The following ARHGEF3 variants were observed in gnomAD, a reference collection of about 807,000 sequenced individuals.
ARHGEF3 encodes the protein Rho guanine nucleotide exchange factor 3.
In ARHGEF3, 28 loss-of-function variants were observed where a neutral mutation model predicts 63.2. That is an observed-to-expected ratio of 0.44 (90% confidence interval 0.33 to 0.61). The LOEUF (loss-of-function observed/expected upper bound fraction) is 0.61. Among genes scored for constraint, ARHGEF3 ranks in the 20% least tolerant of loss-of-function variants. The pLI is 0.03. For missense variants in ARHGEF3, 533 were observed against 659.3 expected (o/e 0.81, Z 2.10); for synonymous variants, 266 against 254.2 (o/e 1.05, Z -0.44).
At chr3:56,877,580 C>T (rs1388248808) in intron 4 of ARHGEF3, among the ~76,000 whole-genome samples, 1 of 151,932 alleles carries the variant, frequency 6.6e-6, no homozygotes, top group Admixed American at 6.5e-5. Context: ...CCTGTGTTGC[C>T]CAGACTGGTC....
intron 1 of ARHGEF3, among the ~76,000 whole-genome samples, chr3:56,798,537 G>GTTTTTTTTTTTTTTTT (rs368922829): frequency 7.2e-6 from 1 of 139,276 alleles, no homozygotes; most frequent in African/African-American, 2.8e-5. Flanking sequence ...TCTTTACTTC[G>GTTTTTTTTTTTTTTTT]TTTTTTTTTT....
At chr3:57,072,906 C>T (rs1262581523) in intron 1 of ARHGEF3, among the ~76,000 whole-genome samples, 1 of 151,938 alleles carries the variant, frequency 6.6e-6, no homozygotes, top group African/African-American at 2.4e-5. Context: ...ATTAGCAAGG[C>T]GCAGTGGCAG....
intron 4 of ARHGEF3, among the ~76,000 whole-genome samples, chr3:56,834,513 C>T (rs1005755493): frequency 2.0e-5 from 3 of 151,912 alleles, no homozygotes; most frequent in Non-Finnish European, 2.9e-5. Context: ...ACCTATAATC[C>T]CAGCACTTTG....
intron 4 of ARHGEF3, among the ~76,000 whole-genome samples, chr3:56,851,619 C>A (rs1294354614): frequency 6.6e-6 from 1 of 151,744 alleles, no homozygotes; most frequent in Admixed American, 6.6e-5. Context: ...ATCTCCTGGG[C>A]TCAAGTGATC....
intron 1 of ARHGEF3, among the ~76,000 whole-genome samples, chr3:56,795,743 G>A (rs1033961558): frequency 1.3e-5 from 2 of 148,174 alleles, no homozygotes; most frequent in African/African-American, 5.1e-5. Flanking sequence ...CCAGGTTCAA[G>A]TGATTCTCCT....
chr3:56,840,015 C>A (rs749231662), intron 4 of ARHGEF3, among the ~76,000 whole-genome samples: 4 of 152,152 alleles, frequency 2.6e-5, no homozygotes, highest in Non-Finnish European at 5.9e-5. Context: ...GGCCGTGTGT[C>A]ATCCTCTGCA....
At position 57,002,462 on chromosome 3, in the gene ARHGEF3, C is replaced by CTATATATATATATATATATATGT. The variant is rs1165862414; in HGVS notation, c.62+32625_62+32626insACATATATATATATATATATATA. ...TATATGCCAGGCACTGTTCTAAGCA[C>CTATATATATATATATATATATGT]TATATATATATATATGTTATATATA... On this transcript the variant is annotated intron_variant, in intron 2 of 12. Coordinates refer to the ARHGEF3 transcript ENST00000338458. Among the ~76,000 whole-genome samples the CTATATATATATATATATATATGT allele has an allele frequency of 1.8e-3, 71 of 38,676 alleles. 5 individuals are homozygous for CTATATATATATATATATATATGT. Among genetic ancestry groups the CTATATATATATATATATATATGT allele is most frequent in the East Asian group, 0.016 (18 of 1,126 alleles). 25.4% of individuals were successfully genotyped at this position (38,676 alleles called of 152,430 possible).
intron 2 of ARHGEF3, among the ~76,000 whole-genome samples, chr3:57,016,989 G>C (rs1703033866): frequency 2.8e-5 from 4 of 145,412 alleles, no homozygotes; most frequent in African/African-American, 1.1e-4. Context: ...GGGAGAGAGA[G>C]GAAAGCTTTC....
chr3:56,997,386 G>A (rs951453960), intron 2 of ARHGEF3, among the ~76,000 whole-genome samples: 2 of 152,056 alleles, frequency 1.3e-5, no homozygotes, highest in East Asian at 1.9e-4. Flanking sequence ...GAAGACAGTC[G>A]GGCCCAGGGA....
chr3:57,076,903 A>C (rs1026676132), intron 1 of ARHGEF3: 1 of 152,196 alleles, frequency 6.6e-6, no homozygotes, highest in Non-Finnish European at 1.5e-5. Flanking sequence ...CTATAAATCA[A>C]TGTATGAATA....
chr3:56,785,819 A>G (rs1220330416), intron 1 of ARHGEF3, among the ~76,000 whole-genome samples: 1 of 152,240 alleles, frequency 6.6e-6, no homozygotes, highest in Non-Finnish European at 1.5e-5. Context: ...GACAGGGACC[A>G]GGGATCCTAA....
chr3:56,882,553 G>A (rs113804724), intron 3 of ARHGEF3, among the ~76,000 whole-genome samples: 13,653 of 123,084 alleles, frequency 0.11, 805 homozygotes, highest in South Asian at 0.16. Flanking sequence ...TCACTCTGTC[G>A]CCCAGGCTGG....
chr3:56,855,362 G>A (rs914565672), intron 4 of ARHGEF3, among the ~76,000 whole-genome samples: 1 of 152,134 alleles, frequency 6.6e-6, no homozygotes, highest in African/African-American at 2.4e-5. Context: ...TCATTTGGCA[G>A]CAATAAATGG....
At chr3:56,791,499 C>G (rs2107919249) in intron 1 of ARHGEF3, among the ~76,000 whole-genome samples, 1 of 152,320 alleles carries the variant, frequency 6.6e-6, no homozygotes, top group Non-Finnish European at 1.5e-5. Flanking sequence ...TTTTATCTAT[C>G]CATTCCTTGT....
At chr3:56,865,659 A>T (rs971327233) in intron 4 of ARHGEF3, among the ~76,000 whole-genome samples, 1 of 152,188 alleles carries the variant, frequency 6.6e-6, no homozygotes, top group African/African-American at 2.4e-5. Flanking sequence ...GAGCTTGGAC[A>T]TTGTTATGAA....
At chr3:57,033,791 T>A (rs1392976355) in intron 2 of ARHGEF3, among the ~76,000 whole-genome samples, 2 of 152,106 alleles carry the variant, frequency 1.3e-5, no homozygotes, top group Non-Finnish European at 2.9e-5. Flanking sequence ...ATGCCTGTAA[T>A]CCCAGCACTT....
chr3:56,834,064 C>T (rs1025333922), intron 4 of ARHGEF3, among the ~76,000 whole-genome samples: 6 of 151,902 alleles, frequency 3.9e-5, no homozygotes, highest in African/African-American at 7.3e-5. Flanking sequence ...CCACCACACC[C>T]GGCTAATTTT....
chr3:56,739,253 T>G (rs2033846085), intron 7 of ARHGEF3, among the ~76,000 whole-genome samples: 1 of 152,170 alleles, frequency 6.6e-6, no homozygotes, highest in African/African-American at 2.4e-5. Flanking sequence ...TAAGGCCTCT[T>G]CTTCGTCACA....
At chr3:56,739,312 C>A (rs974722578) in intron 7 of ARHGEF3, among the ~76,000 whole-genome samples, 1 of 151,886 alleles carries the variant, frequency 6.6e-6, no homozygotes, top group African/African-American at 2.4e-5. Flanking sequence ...TCCAAAAGAG[C>A]CTTTGCGCAG....
Sources: allele counts gnomAD v4.1 joint callset (sites outside exome capture counted in the v4.1 genomes callset), GRCh38; gene constraint gnomAD v4.1.1; transcripts MANE v1.5; gene names NCBI Gene and HGNC (gene_info 2026-07-23, HGNC 2026-07-21).